Variants in DGAT2 observed in about 807,000 individuals in gnomAD.
DGAT2 encodes diacylglycerol O-acyltransferase 2, also known as acyl-CoA retinol O-fatty-acyltransferase.
DGAT2 carries 33 observed loss-of-function variants against 48.4 expected under a neutral mutation model. The ratio of observed to expected loss-of-function variants is 0.68; its 90% confidence interval spans 0.52 to 0.91. The LOEUF (loss-of-function observed/expected upper bound fraction) is 0.91, where lower values mean the gene tolerates loss of function less well. DGAT2 is among the 40% of genes least tolerant of loss of function. DGAT2 has a pLI of 0.00. For missense variants in DGAT2, 446 were observed against 493.7 expected (o/e 0.90, Z 0.92); for synonymous variants, 191 against 194.1 (o/e 0.98, Z 0.13).
In DGAT2 at chr11:75,800,276, G is replaced by A. The variant is rs112477468; in HGVS notation, c.1013-78G>A. 1,714 of 1,534,796 alleles carry A rather than the reference G, an allele frequency of 1.1e-3. 14 individuals are homozygous for A. In the African/African-American group the frequency reaches 0.014, roughly 12 times the overall value. ...CCACATGGCGGGCCCACAGCCCAGC[G>A]TCACCACCTTCAGCATCATGGTGGA... On this transcript the variant is annotated intron_variant, in intron 7 of 7. Coordinates refer to ENST00000228027, the MANE Select transcript of DGAT2 (RefSeq NM_032564.5).
At chr11:75,790,493 G>T (rs183499012) in intron 3 of DGAT2, among the ~76,000 whole-genome samples, 168 bp from the exon 4 acceptor site, 10 of 152,284 alleles carry the variant, frequency 6.6e-5, no homozygotes, top group Admixed American at 6.5e-4. Flanking sequence ...ACACTCAGTC[G>T]AGGGTTTGCA....
chr11:75,797,285 C>A lies in DGAT2; in HGVS notation c.762C>A (p.Val254=). 6.4e-7 allele frequency: 1 copy of A among 1,568,456 alleles called. No homozygotes were observed. Among genetic ancestry groups the A allele is most frequent in the South Asian group, 1.2e-5 (1 of 84,402 alleles). The change falls in exon 6 of 8, where the codon GTC becomes GTA. Residue 254 remains valine, a synonymous_variant. Transcript: ENST00000228027. ...SLSSMPGKNA[V]TLRNRKGFVK... ...GCTCCATGCCTGGCAAGAATGCAGTCACCCTGCGGAACCGCAAGGGCTTTG... is the reference window on the plus strand; with the variant it reads ...GCTCCATGCCTGGCAAGAATGCAGTAACCCTGCGGAACCGCAAGGGCTTTG...
chr11:75,776,568 T>C (rs1017661298), intron 1 of DGAT2: 1 of 152,114 alleles, frequency 6.6e-6, no homozygotes, highest in Non-Finnish European at 1.5e-5. Flanking sequence ...TTAGAAGCAA[T>C]AGAACTCTAC....
At chr11:75,783,825 G>C (rs562437749) in intron 1 of DGAT2, among the ~76,000 whole-genome samples, 1 of 152,298 alleles carries the variant, frequency 6.6e-6, no homozygotes, top group South Asian at 2.1e-4. Context: ...GGGGCACCAA[G>C]CCAATTAAGT....
At position 75,790,210 on chromosome 11, in the gene DGAT2, C is replaced by T. The variant is rs139688409; in HGVS notation, c.273C>T (p.Leu91=). ...CAGGAGTGGCCTGCAGTGCCATCCTCATGTACATATTCTGCACTGATTGCT... is the reference window on the plus strand; with the variant it reads ...CAGGAGTGGCCTGCAGTGCCATCCTTATGTACATATTCTGCACTGATTGCT... ...LVLGVACSAI[L]MYIFCTDCWL... is the part of the protein sequence containing the mutation. Residue 91 remains leucine (L), a synonymous_variant, in exon 3 of 8, where the codon CTC becomes CTT. Transcript: ENST00000228027. 6.1e-5 allele frequency: 98 copies of T among 1,614,090 alleles called. 1 individual carries two copies. The African/African-American group carries it at 1.0e-3, about 17-fold the overall frequency.
intron 4 of DGAT2, among the ~76,000 whole-genome samples, chr11:75,791,861 A>G (rs1240443976): frequency 3.9e-5 from 6 of 152,128 alleles, no homozygotes; most frequent in Non-Finnish European, 5.9e-5. Flanking sequence ...TGGGGTGTCT[A>G]TTGCATCCTG....
intron 4 of DGAT2, chr11:75,792,631 C>A (rs1404687628): frequency 5.3e-5 from 8 of 152,156 alleles, no homozygotes; most frequent in Non-Finnish European, 7.3e-5. Context: ...GAGTGTATCC[C>A]TTCTGTTGGC....
chr11:75,779,047 A>T (rs921249592), intron 1 of DGAT2, among the ~76,000 whole-genome samples: 1 of 152,134 alleles, frequency 6.6e-6, no homozygotes. Flanking sequence ...TGTGAGAGGA[A>T]GCCCTGAAAA....
chr11:75,785,561 G>A (rs1216627766), intron 2 of DGAT2, among the ~76,000 whole-genome samples: 1 of 152,242 alleles, frequency 6.6e-6, no homozygotes, highest in Admixed American at 6.5e-5. Flanking sequence ...TCTGAGGGGA[G>A]GGAAGAAGCC....
intron 2 of DGAT2, 43 bp downstream of exon 2, chr11:75,784,789 C>A (rs748491159): frequency 6.8e-6 from 11 of 1,612,142 alleles, no homozygotes; most frequent in Non-Finnish European, 9.3e-6. Flanking sequence ...CAGGCAGTGT[C>A]CACTTCCCCA....
chr11:75,776,876 TA>T (rs1944807627), intron 1 of DGAT2: 1 of 152,284 alleles, frequency 6.6e-6, no homozygotes, highest in South Asian at 2.1e-4. Context: ...CCTGACTTCC[TA>T]GACCTCCCTG....
At chr11:75,793,220 G>C (rs897552544) in intron 4 of DGAT2, 2 of 152,246 alleles carry the variant, frequency 1.3e-5, no homozygotes, top group Non-Finnish European at 2.9e-5. Flanking sequence ...CTTCATTGGC[G>C]GTATCCTTCC....
intron 1 of DGAT2, among the ~76,000 whole-genome samples, chr11:75,780,656 C>G (rs1448857156): frequency 1.3e-5 from 2 of 152,310 alleles, no homozygotes; most frequent in South Asian, 4.1e-4. Flanking sequence ...AGCTCCCCAC[C>G]ACTGCCCCCT....
intron 1 of DGAT2, among the ~76,000 whole-genome samples, chr11:75,777,624 C>A (rs987183944): frequency 5.3e-5 from 8 of 152,306 alleles, no homozygotes; most frequent in South Asian, 4.1e-4. Flanking sequence ...CCACTTCCTA[C>A]GAGTTAGAGG....
rs750873196 is a variant in DGAT2, at chr11:75,800,439, G to A, written c.1098G>A (p.Leu366=). Residue 366 remains leucine, a synonymous_variant, in exon 8 of 8, where the codon CTG becomes CTA. Coordinates refer to ENST00000228027, the MANE Select transcript of DGAT2 (RefSeq NM_032564.5). ...ACCACACCATGTACATGGAGGCCCTGGTGAAGCTCTTCGACAAGCACAAGA... is the reference window on the plus strand; with the variant it reads ...ACCACACCATGTACATGGAGGCCCTAGTGAAGCTCTTCGACAAGCACAAGA... The part of the protein sequence containing the change: ...DLYHTMYMEA[L]VKLFDKHKTK... 1 of 1,614,178 alleles carries A rather than the reference G, an allele frequency of 6.2e-7. No homozygotes were observed. Among genetic ancestry groups the A allele is most frequent in the Non-Finnish European group, 8.5e-7 (1 of 1,180,034 alleles).
At chr11:75,775,767 G>A (rs1944798081) in intron 1 of DGAT2, 1 of 152,270 alleles carries the variant, frequency 6.6e-6, no homozygotes. Context: ...AATGCCTTCT[G>A]GGATCCTGCC....
intron 7 of DGAT2, among the ~76,000 whole-genome samples, chr11:75,800,112 A>G (rs551259783): frequency 2.6e-4 from 40 of 152,308 alleles, no homozygotes; most frequent in African/African-American, 8.9e-4. Context: ...AGTGGGTTCA[A>G]CCAGTCTTGA....
intron 1 of DGAT2, among the ~76,000 whole-genome samples, chr11:75,779,573 G>C (rs186515223): frequency 6.6e-6 from 1 of 152,168 alleles, no homozygotes. Flanking sequence ...ATTGCTTTCC[G>C]GGTGGTAAAA....
chr11:75,800,419 A>C lies in DGAT2; in HGVS notation c.1078A>C (p.Thr360Pro), dbSNP rs752405049. The C allele has an allele frequency of 8.1e-6, 13 of 1,614,138 alleles. No homozygotes were observed. The South Asian group carries it at 1.3e-4, about 16-fold the overall frequency. Residue 360 changes from threonine (T) to proline (P), a missense_variant, in exon 8 of 8, where the codon ACC becomes CCC. Physicochemically the swap from Thr to Pro is conservative, Grantham distance 38 (BLOSUM62 -1). Transcript: ENST00000228027. The stretch of plus-strand genomic sequence containing the variant: ...CCAGCAAGACATCGACCTGTACCAC[A>C]CCATGTACATGGAGGCCCTGGTGAA... ...PTQQDIDLYH[T>P]MYMEALVKLF...
Sources: allele counts gnomAD v4.1 joint callset (sites outside exome capture counted in the v4.1 genomes callset), GRCh38; gene constraint gnomAD v4.1.1; transcripts MANE v1.5; gene names NCBI Gene and HGNC (gene_info 2026-07-23, HGNC 2026-07-21).